Variants in FAM186A observed in about 807,000 individuals in gnomAD.
FAM186A encodes the protein protein FAM186A.
Under a neutral mutation model 216.8 loss-of-function variants are expected in FAM186A, and 163 were observed. The observed-to-expected ratio is 0.75, with a 90% CI of 0.66 to 0.86. The LOEUF is 0.86. Ranked by LOEUF, FAM186A falls within the 40% of genes least tolerant of loss-of-function variation. The pLI is 0.00. For synonymous variants in FAM186A, 805 were observed against 1,025.3 expected, an observed-to-expected ratio of 0.79 and a Z score of 4.10; for missense variants, 2,184 against 2,746.2, an observed-to-expected ratio of 0.80 and a Z score of 4.58.
chr12:50,357,478 G>A (rs985996276), intron 3 of FAM186A, among the ~76,000 whole-genome samples: 1 of 145,346 alleles, frequency 6.9e-6, no homozygotes, highest in African/African-American at 2.6e-5. Context: ...CTTCAGCCTG[G>A]GCAAAGAGTG....
chr12:50,355,387 C>T lies in FAM186A; in HGVS notation c.1445G>A (p.Gly482Glu), dbSNP rs1334464714. ...AGGTTTGGCCTCTGAGACTTTCTGT[C>T]CACTTTTATTATCACTCAGATTTGG... ...SGPNLSDNKS[G>E]QKVSEAKPSQ... is the part of the protein sequence containing the mutation. Residue 482 changes from glycine (G) to glutamate (E), a missense_variant, in exon 4 of 8, where the codon GGA (glycine) becomes GAA (glutamate). Around this residue, in one of 7 missense-constraint regions of FAM186A, gnomAD observed 1,132 missense variants for 1,263.4 expected, o/e 0.90. Transcript: ENST00000327337. 1.3e-6 allele frequency: 2 copies of T among 1,551,326 alleles called. No individual in the cohort carries two copies. Among genetic ancestry groups the T allele is most frequent in the South Asian group, 2.4e-5 (2 of 84,042 alleles).
Position 50,352,158 on chromosome 12 carries a change from C to T in FAM186A, c.4674G>A (p.Pro1558=), listed in dbSNP as rs1163595051. 56 of 1,532,392 alleles carry T rather than the reference C, an allele frequency of 3.7e-5. No homozygotes were observed. The highest frequency in any genetic ancestry group is 2.6e-4 in the Admixed American group (13 of 49,784). 94.9% of individuals were successfully genotyped at this position (1,532,392 alleles called of 1,614,324 possible). A position where few individuals can be genotyped will look rare whatever the true frequency, so the allele number is the denominator to read the frequency against. The stretch of plus-strand genomic sequence containing the variant: ...GAGGGATCTCCAATTCCTGAGCCTG[C>T]GGAGGGATGAGAGGGATCCCCAGGG... The part of the protein sequence containing the change: ...VQALGIPLIP[P]QAQELEIPLT... Residue 1558 remains proline (P), a synonymous_variant, in exon 4 of 8, where the codon CCG becomes CCA. Transcript: ENST00000327337.
chr12:50,351,075 A>T lies in FAM186A; in HGVS notation c.5757T>A (p.Ala1919=), dbSNP rs1335164587. The change falls in exon 4 of 8, where the codon GCT becomes GCA. Residue 1919 remains alanine, a synonymous_variant. Transcript: ENST00000327337. ...HLATWTLPGR[A]SSLWIPPTSR... ...AGGTGGGAGGGATCCATAATGAAGA[A>T]GCTCGCCCAGGAAGGGTCCATGTTG... The T allele has an allele frequency of 1.9e-6, 3 of 1,551,316 alleles. No individual in the cohort carries two copies. The Admixed American group carries it at 5.9e-5, about 30-fold the overall frequency.
At chr12:50,383,744 G>A (rs1435018351) in intron 1 of FAM186A, among the ~76,000 whole-genome samples, 1 of 152,130 alleles carries the variant, frequency 6.6e-6, no homozygotes, top group Non-Finnish European at 1.5e-5. Flanking sequence ...TGTACAGTAT[G>A]TTCAAAGTCA....
chr12:50,378,639 T>C (rs1385018710), intron 1 of FAM186A, among the ~76,000 whole-genome samples: 3 of 140,558 alleles, frequency 2.1e-5, no homozygotes, highest in African/African-American at 8.2e-5. Flanking sequence ...TATATACACA[T>C]ACATATATAT....
intron 1 of FAM186A, among the ~76,000 whole-genome samples, chr12:50,365,440 T>C (rs1049109131): frequency 6.6e-6 from 1 of 152,200 alleles, no homozygotes; most frequent in Non-Finnish European, 1.5e-5. Flanking sequence ...GTGAATATCA[T>C]TTTAGAGGAA....
chr12:50,378,258 C>T (rs182157186), intron 1 of FAM186A, among the ~76,000 whole-genome samples: 2 of 150,896 alleles, frequency 1.3e-5, no homozygotes, highest in Non-Finnish European at 2.9e-5. Flanking sequence ...CAGCCGAGCA[C>T]GGTGGCTCAC....
At chr12:50,343,499 C>T (rs1433552283) in intron 4 of FAM186A, among the ~76,000 whole-genome samples, 1 of 151,506 alleles carries the variant, frequency 6.6e-6, no homozygotes, top group Non-Finnish European at 1.5e-5. Context: ...TGCAGTGGTG[C>T]GATCTTGGCT....
At chr12:50,346,847 A>G (rs934638865) in intron 4 of FAM186A, among the ~76,000 whole-genome samples, 11 of 151,764 alleles carry the variant, frequency 7.2e-5, no homozygotes, top group Non-Finnish European at 2.9e-5. Context: ...ACTCTGTTTC[A>G]AAAATAAAAT....
At chr12:50,330,543 T>A (rs1942646335) in intron 7 of FAM186A, 30 bp downstream of exon 7, 1 of 1,539,666 alleles carries the variant, frequency 6.5e-7, no homozygotes, top group South Asian at 1.2e-5. Context: ...AAAGGCCCAA[T>A]TACCAGAGTG....
At chr12:50,373,056 AAAGAAAG>A (rs1943163137) in intron 1 of FAM186A, among the ~76,000 whole-genome samples, 3 of 149,246 alleles carry the variant, frequency 2.0e-5, no homozygotes, top group African/African-American at 2.5e-5. Flanking sequence ...AGAAAGAAAG[AAAGAAAG>A]AAAGAAAGAA....
intron 3 of FAM186A, 77 bp downstream of exon 3, chr12:50,360,678 GA>G (rs61529910): frequency 8.7e-3 from 9,319 of 1,068,508 alleles, no homozygotes; most frequent in South Asian, 0.02. Context: ...GAGCGAGACT[GA>G]AAAAAAAAAA....
chr12:50,373,589 C>T (rs907032922), intron 1 of FAM186A, among the ~76,000 whole-genome samples: 6 of 152,186 alleles, frequency 3.9e-5, no homozygotes, highest in Admixed American at 3.3e-4. Flanking sequence ...AAAAATGCTT[C>T]ATAAGATTTT....
intron 1 of FAM186A, among the ~76,000 whole-genome samples, chr12:50,366,626 CA>C (rs61606774): frequency 0.012 from 598 of 49,384 alleles, 5 homozygotes; most frequent in African/African-American, 0.045. Context: ...ATAGAATGAC[CA>C]AAAAAAAAAA....
At chr12:50,379,667 T>C (rs1348921210) in intron 1 of FAM186A, among the ~76,000 whole-genome samples, 2 of 151,106 alleles carry the variant, frequency 1.3e-5, no homozygotes, top group African/African-American at 4.9e-5. Flanking sequence ...ATGCCTGTAA[T>C]CCCAGCTACT....
At chr12:50,392,765 A>T (rs1159050875) in intron 1 of FAM186A, among the ~76,000 whole-genome samples, 3 of 118,456 alleles carry the variant, frequency 2.5e-5, no homozygotes, top group Non-Finnish European at 3.4e-5. Flanking sequence ...CACTTGGCTA[A>T]TTTTTTTTTT....
chr12:50,347,070 T>C (rs1410593709), intron 4 of FAM186A, among the ~76,000 whole-genome samples: 1 of 151,044 alleles, frequency 6.6e-6, no homozygotes, highest in Non-Finnish European at 1.5e-5. Context: ...ATAAGCTAGG[T>C]TTTGCTATTT....
In FAM186A at chr12:50,375,646, G is replaced by A. The variant is rs560242788; in HGVS notation, c.193-12282C>T. ...GCAGGAGAATCGCCTGAACCTGGGA[G>A]GCAGAGATTGCAGTGAGCCGAGATT... On this transcript the variant is annotated intron_variant, in intron 1 of 7. Coordinates refer to ENST00000327337, the MANE Select transcript of FAM186A (RefSeq NM_001145475.3). Among the ~76,000 whole-genome samples the A allele has an allele frequency of 4.7e-5, 7 of 150,180 alleles. No homozygotes were observed. The South Asian group carries it at 1.5e-3, about 32-fold the overall frequency.
chr12:50,368,884 A>G (rs1943114970), intron 1 of FAM186A, among the ~76,000 whole-genome samples: 1 of 152,062 alleles, frequency 6.6e-6, no homozygotes, highest in Non-Finnish European at 1.5e-5. Flanking sequence ...GTATGTGTAT[A>G]GTATAGTATA....
Sources: gnomAD v4.1 joint callset for allele counts (sites outside exome capture counted in the v4.1 genomes callset) on GRCh38, gnomAD v4.1.1 for gene constraint, gnomAD v4.1.1 regional missense constraint, MANE v1.5 for transcripts, NCBI Gene and HGNC (gene_info 2026-07-23, HGNC 2026-07-21) for gene names.